Variants in LTBP1 observed in about 807,000 individuals in gnomAD.
The protein encoded by LTBP1 is latent-transforming growth factor beta-binding protein 1.
LTBP1 carries 129 observed loss-of-function variants against 207.6 expected under a neutral mutation model. That is an observed-to-expected ratio of 0.62 (90% confidence interval 0.54 to 0.72). The LOEUF (loss-of-function observed/expected upper bound fraction) is 0.72, where lower values mean the gene tolerates loss of function less well. Among genes scored for constraint, LTBP1 ranks in the 30% least tolerant of loss-of-function variants. The pLI is 0.00. For missense variants in LTBP1, 2,281 were observed against 2,217.2 expected (o/e 1.03, Z -0.58); for synonymous variants, 963 against 833.7 (o/e 1.16, Z -2.67).
intron 11 of LTBP1, among the ~76,000 whole-genome samples, chr2:33,255,525 A>G (rs1257665058): frequency 3.3e-5 from 5 of 152,182 alleles, no homozygotes; most frequent in African/African-American, 9.6e-5. Context: ...ATAAAGACAC[A>G]TGCACACGTA....
chr2:33,157,188 G>A (rs1210307003), intron 5 of LTBP1, among the ~76,000 whole-genome samples: 1 of 152,148 alleles, frequency 6.6e-6, no homozygotes. Context: ...AACATCAAAG[G>A]TGTTTAGAAC....
At chr2:33,273,624 G>GT (rs367614814) in intron 15 of LTBP1, 32 bp from the exon 16 acceptor site, 54 of 1,562,678 alleles carry the variant, frequency 3.5e-5, no homozygotes, top group Non-Finnish European at 4.3e-5. Flanking sequence ...ATTTCTGTGG[G>GT]TTTTTTCACA....
intron 8 of LTBP1, among the ~76,000 whole-genome samples, chr2:33,218,921 G>A (rs2090906388): frequency 1.3e-5 from 2 of 151,996 alleles, no homozygotes; most frequent in Admixed American, 1.3e-4. Context: ...TGATTTGATT[G>A]TATTCTCAAA....
chr2:32,974,922 T>A (rs1038845330), intron 2 of LTBP1, among the ~76,000 whole-genome samples: 1 of 152,220 alleles, frequency 6.6e-6, no homozygotes, highest in African/African-American at 2.4e-5. Flanking sequence ...GTCACCATGT[T>A]GTTAGCTGGT....
At chr2:33,215,063 C>G (rs2090578262) in intron 7 of LTBP1, among the ~76,000 whole-genome samples, 1 of 152,064 alleles carries the variant, frequency 6.6e-6, no homozygotes, top group Non-Finnish European at 1.5e-5. Context: ...ACTCCACTCA[C>G]ACGCCTTCTA....
intron 4 of LTBP1, among the ~76,000 whole-genome samples, chr2:33,117,748 A>C (rs1254872140): frequency 6.6e-6 from 1 of 152,178 alleles, no homozygotes; most frequent in Non-Finnish European, 1.5e-5. Flanking sequence ...TGGATGCTGC[A>C]AAAGACGGGA....
intron 2 of LTBP1, among the ~76,000 whole-genome samples, chr2:32,988,024 G>A (rs1489189828): frequency 6.6e-6 from 1 of 152,190 alleles, no homozygotes; most frequent in Non-Finnish European, 1.5e-5. Context: ...TGAAGATGGA[G>A]GCAAAGATTG....
chr2:33,019,105 G>A (rs1013705468), intron 2 of LTBP1, among the ~76,000 whole-genome samples: 1 of 152,058 alleles, frequency 6.6e-6, no homozygotes, highest in African/African-American at 2.4e-5. Context: ...CGTTTTGCTT[G>A]TCTATTTTGT....
At chr2:33,034,213 G>GA (rs1206915839) in intron 3 of LTBP1, among the ~76,000 whole-genome samples, 1 of 141,914 alleles carries the variant, frequency 7.0e-6, no homozygotes, top group East Asian at 2.0e-4. Context: ...GACGAGACTT[G>GA]AAGGATTGTT....
intron 7 of LTBP1, among the ~76,000 whole-genome samples, chr2:33,205,006 A>C (rs182279322): frequency 6.6e-6 from 1 of 152,302 alleles, no homozygotes; most frequent in African/African-American, 2.4e-5. Context: ...GAGACTACCA[A>C]GGTGTCTTTG....
At chr2:33,187,841 C>G (rs747433435) in intron 6 of LTBP1, among the ~76,000 whole-genome samples, 1 of 152,114 alleles carries the variant, frequency 6.6e-6, no homozygotes, top group Non-Finnish European at 1.5e-5. Flanking sequence ...CCTTGTAAAA[C>G]TGGGTTTTCT....
At chr2:33,196,731 G>T (rs2148994861) in intron 7 of LTBP1, among the ~76,000 whole-genome samples, 1 of 152,308 alleles carries the variant, frequency 6.6e-6, no homozygotes, top group East Asian at 1.9e-4. Context: ...AGGATTGTGA[G>T]AAGATGAGCA....
At chr2:32,993,435 A>G (rs1274549296) in intron 2 of LTBP1, among the ~76,000 whole-genome samples, 1 of 152,112 alleles carries the variant, frequency 6.6e-6, no homozygotes, top group Non-Finnish European at 1.5e-5. Context: ...TCTCTCTCTC[A>G]TATATACAAG....
At chr2:33,350,608 T>G (rs2094767936) in intron 26 of LTBP1, among the ~76,000 whole-genome samples, 1 of 152,218 alleles carries the variant, frequency 6.6e-6, no homozygotes, top group Non-Finnish European at 1.5e-5. Flanking sequence ...ATTTTTTAGG[T>G]CTGCCTTAAT....
At chr2:32,965,897 G>T (rs571244519) in intron 2 of LTBP1, among the ~76,000 whole-genome samples, 2 of 152,258 alleles carry the variant, frequency 1.3e-5, no homozygotes, top group South Asian at 4.1e-4. Context: ...GGTAAGAAGT[G>T]GAAACTGAAA....
chr2:33,310,497 A>G (rs2094168976), intron 23 of LTBP1, among the ~76,000 whole-genome samples: 1 of 152,124 alleles, frequency 6.6e-6, no homozygotes, highest in Non-Finnish European at 1.5e-5. Flanking sequence ...TCTTACAGCA[A>G]CTTCAGAGGT....
chr2:33,286,297 G>A (rs946017544), intron 19 of LTBP1, among the ~76,000 whole-genome samples: 3 of 152,146 alleles, frequency 2.0e-5, no homozygotes, highest in African/African-American at 7.2e-5. Flanking sequence ...CAACTGATTA[G>A]CTACAGTCTT....
At chr2:33,116,374 A>G (rs1335635258) in intron 4 of LTBP1, among the ~76,000 whole-genome samples, 2 of 152,198 alleles carry the variant, frequency 1.3e-5, no homozygotes, top group African/African-American at 4.8e-5. Flanking sequence ...TTTAAATTCA[A>G]CAAGGCAGAA....
chr2:33,098,268 T>C (rs1324131134), intron 3 of LTBP1, among the ~76,000 whole-genome samples: 2 of 152,210 alleles, frequency 1.3e-5, no homozygotes, highest in African/African-American at 4.8e-5. Flanking sequence ...TTCATGTCCT[T>C]TGTCCATTTT....
Sources: allele counts gnomAD v4.1 joint callset (sites outside exome capture counted in the v4.1 genomes callset), GRCh38; gene constraint gnomAD v4.1.1; transcripts MANE v1.5; gene names NCBI Gene and HGNC (gene_info 2026-07-23, HGNC 2026-07-21).